TUBGCP3: variants seen among roughly 807,000 people sequenced by gnomAD.
TUBGCP3 encodes the protein tubulin gamma complex component 3.
A neutral mutation model predicts 123.1 loss-of-function variants in TUBGCP3; 50 were observed. The ratio of observed to expected loss-of-function variants is 0.41; its 90% CI spans 0.32 to 0.51. TUBGCP3 has a LOEUF of 0.51. Among genes scored for constraint, TUBGCP3 ranks in the 20% least tolerant of loss-of-function variants. The probability of loss-of-function intolerance (pLI) is 0.36; values close to 1 mark genes in which losing one functional copy is unlikely to be tolerated. For synonymous variants in TUBGCP3, 405 were observed against 413.9 expected (o/e 0.98, Z 0.26); for missense variants, 882 against 1,127.0 (o/e 0.78, Z 3.11).
chr13:112,555,955 G>C, intron 6 of TUBGCP3, 97 bp downstream of exon 6: 2 of 1,341,940 alleles, frequency 1.5e-6, no homozygotes, highest in South Asian at 3.1e-5. Context: ...ACCACTAAAA[G>C]GTTTGAGGTG....
chr13:112,499,805 C>T (rs962307584), intron 19 of TUBGCP3, among the ~76,000 whole-genome samples: 3 of 152,198 alleles, frequency 2.0e-5, no homozygotes, highest in Non-Finnish European at 4.4e-5. Context: ...CTTATAACTA[C>T]TGCCCAGTAA....
intron 16 of TUBGCP3, among the ~76,000 whole-genome samples, chr13:112,518,005 T>C (rs1876294659): frequency 6.6e-6 from 1 of 152,204 alleles, no homozygotes; most frequent in South Asian, 2.1e-4. Context: ...AATTTGAATA[T>C]GATGAGAAAT....
intron 3 of TUBGCP3, among the ~76,000 whole-genome samples, 156 bp from the exon 4 acceptor site, chr13:112,559,555 C>T (rs1050869762): frequency 6.6e-6 from 1 of 152,148 alleles, no homozygotes; most frequent in African/African-American, 2.4e-5. Context: ...TCAACAGTGC[C>T]ACCCATCCGA....
intron 3 of TUBGCP3, among the ~76,000 whole-genome samples, chr13:112,563,308 C>G (rs1369189226): frequency 6.6e-6 from 1 of 152,178 alleles, no homozygotes; most frequent in East Asian, 1.9e-4. Flanking sequence ...ACAACCTTCA[C>G]ACTTCTGCGG....
chr13:112,551,085 CGAG>C (rs1211590159), intron 8 of TUBGCP3, among the ~76,000 whole-genome samples: 12 of 151,672 alleles, frequency 7.9e-5, no homozygotes, highest in Admixed American at 2.6e-4. Context: ...GGTGACAGAG[CGAG>C]ACGACTCCGT....
intron 13 of TUBGCP3, among the ~76,000 whole-genome samples, chr13:112,522,846 A>G (rs917307343): frequency 8.5e-5 from 13 of 152,240 alleles, no homozygotes; most frequent in African/African-American, 2.4e-4. Context: ...GTCCATACCC[A>G]TAAGATGTTT....
At position 112,545,014 on chromosome 13, in the gene TUBGCP3, C is replaced by T. The variant is rs2139166573; in HGVS notation, c.1335+685G>A. On this transcript the variant is annotated intron_variant, in intron 11 of 21. Transcript: ENST00000261965. The surrounding 1 kb of genome is among the most constrained non-coding windows in gnomAD (Gnocchi z 4.1). ...CAGGCCTCCGCCACTTCCCGCCACA[C>T]ACAGTCTGCGGCCCCGACGGCCCAC... 1 of 152,636 alleles carries T rather than the reference C, an allele frequency of 6.6e-6. No individual in the cohort carries two copies. Among genetic ancestry groups the T allele is most frequent in the South Asian group, 2.1e-4 (1 of 4,836 alleles). 9.5% of individuals were successfully genotyped at this position (152,636 alleles called of 1,614,324 possible).
rs1455440579 is a variant in TUBGCP3, at chr13:112,522,499, T to C, written c.1566A>G (p.Leu522=). The part of the protein sequence containing the change: ...SAESPQDAAD[L]FTDLENAFQG... ...GAAATGCATTTTCCAAGTCTGTGAA[T>C]AGGTCTGCAGCTGTAAAGAACAACA... Residue 522 remains leucine, a synonymous_variant, in exon 14 of 22, where the codon CTA becomes CTG. Transcript: ENST00000261965. 6.2e-7 allele frequency: 1 copy of C among 1,612,906 alleles called. No individual in the cohort carries two copies. The highest frequency in any genetic ancestry group is 1.3e-5 in the African/African-American group (1 of 74,930).
chr13:112,505,017 G>A (rs1196493712), intron 17 of TUBGCP3, among the ~76,000 whole-genome samples: 3 of 152,036 alleles, frequency 2.0e-5, no homozygotes, highest in Non-Finnish European at 4.4e-5. Context: ...TTATAATAAC[G>A]CAGTGCACTG....
intron 20 of TUBGCP3, among the ~76,000 whole-genome samples, chr13:112,490,418 G>T (rs1299178623): frequency 1.3e-5 from 2 of 152,180 alleles, no homozygotes; most frequent in African/African-American, 4.8e-5. Flanking sequence ...ACCACACCTG[G>T]CTAATTTTGT....
chr13:112,509,089 A>G (rs951296439), intron 17 of TUBGCP3, among the ~76,000 whole-genome samples: 3 of 152,072 alleles, frequency 2.0e-5, no homozygotes, highest in African/African-American at 7.2e-5. Flanking sequence ...CCCCCTCCAC[A>G]GCTTAGCTGA....
chr13:112,503,789 T>C (rs1881092389), intron 19 of TUBGCP3, among the ~76,000 whole-genome samples: 1 of 152,192 alleles, frequency 6.6e-6, no homozygotes, highest in African/African-American at 2.4e-5. Flanking sequence ...AATGAAAAGG[T>C]ATTATTATTT....
chr13:112,553,944 C>T, intron 8 of TUBGCP3, 113 bp downstream of exon 8: 2 of 1,496,288 alleles, frequency 1.3e-6, no homozygotes, highest in Non-Finnish European at 1.8e-6. Flanking sequence ...ACTCTCAAAG[C>T]TGCTTTACTT....
chr13:112,589,410 C>T (rs924494059), upstream of TUBGCP3, among the ~76,000 whole-genome samples: 1 of 152,172 alleles, frequency 6.6e-6, no homozygotes, highest in African/African-American at 2.4e-5. Context: ...AAAGATGCAG[C>T]TGGAAGGTAT....
At chr13:112,550,936 A>G (rs532705454) in intron 8 of TUBGCP3, among the ~76,000 whole-genome samples, 11 of 152,266 alleles carry the variant, frequency 7.2e-5, no homozygotes, top group African/African-American at 2.2e-4. Flanking sequence ...GTCTCTATTA[A>G]AAATACAAAA....
chr13:112,575,207 G>A (rs983946890), intron 1 of TUBGCP3, among the ~76,000 whole-genome samples: 1 of 152,226 alleles, frequency 6.6e-6, no homozygotes, highest in Non-Finnish European at 1.5e-5. Flanking sequence ...GTGTACTATC[G>A]AGAAGGAGCC....
chr13:112,510,585 C>T (rs1452413686), intron 17 of TUBGCP3, among the ~76,000 whole-genome samples: 3 of 152,204 alleles, frequency 2.0e-5, no homozygotes, highest in Admixed American at 6.5e-5. Flanking sequence ...CAAGTAATCA[C>T]GGCAACAGTG....
chr13:112,604,154 G>A, the TUBGCP3 span: 2 of 152,160 alleles, frequency 1.3e-5, no homozygotes, highest in African/African-American at 4.8e-5. Flanking sequence ...TGACCTACCA[G>A]TCTCTTATTA....
At chr13:112,558,758 A>G (rs1311218658) in intron 4 of TUBGCP3, among the ~76,000 whole-genome samples, 3 of 152,226 alleles carry the variant, frequency 2.0e-5, no homozygotes, top group Admixed American at 2.0e-4. Context: ...GTATATTAAT[A>G]TATAATGATT....
Sources: gnomAD v4.1 joint callset for allele counts (sites outside exome capture counted in the v4.1 genomes callset) on GRCh38, gnomAD v4.1.1 for gene constraint, Gnocchi (gnomAD v3.1) non-coding constraint, MANE v1.5 for transcripts, NCBI Gene and HGNC (gene_info 2026-07-23, HGNC 2026-07-21) for gene names.